The following CPED1 variants were observed in gnomAD, a reference collection of about 807,000 sequenced individuals.
CPED1 encodes the protein cadherin like and PC-esterase domain containing 1.
A neutral mutation model predicts 128.2 loss-of-function variants in CPED1; 114 were observed. The observed-to-expected ratio is 0.89, with a 90% CI of 0.76 to 1.04. The LOEUF is 1.04. Ranked by LOEUF, CPED1 falls within the 50% of genes least tolerant of loss-of-function variation. The pLI is 0.00. For missense variants in CPED1, 1,211 were observed against 1,207.1 expected (o/e 1.00, Z -0.05); for synonymous variants, 462 against 426.7 (o/e 1.08, Z -1.02).
intron 18 of CPED1, among the ~76,000 whole-genome samples, chr7:121,251,539 G>A (rs533164073): frequency 6.6e-6 from 1 of 152,318 alleles, no homozygotes; most frequent in African/African-American, 2.4e-5. Flanking sequence ...CCTGTTTGCA[G>A]GTGACATGAT....
chr7:121,124,362 C>A lies in CPED1; in HGVS notation c.950C>A (p.Ala317Asp). 6.2e-7 allele frequency: 1 copy of A among 1,609,174 alleles called. No homozygotes were observed. The highest frequency in any genetic ancestry group is 8.5e-7 in the Non-Finnish European group (1 of 1,177,236). The change falls in exon 8 of 23, where the codon GCC becomes GAC. Residue 317 changes from alanine to aspartate, a missense_variant. Ala to Asp is a moderately radical substitution (Grantham distance 126). Coordinates refer to ENST00000310396, the MANE Select transcript of CPED1 (RefSeq NM_024913.5). ...LQTFFETFLRASSPQQAFDIM... is the reference protein window; with the variant it reads ...LQTFFETFLRDSSPQQAFDIM... ...ACATTTTTTGAGACATTCCTGAGAG[C>A]CAGTTCACCTCAACAGGCTTTTGAC...
At chr7:120,990,643 T>TA (rs971143781) in intron 2 of CPED1, among the ~76,000 whole-genome samples, 24 of 150,962 alleles carry the variant, frequency 1.6e-4, no homozygotes, top group South Asian at 8.4e-4. Context: ...CATGAAGAAA[T>TA]AAAAAAAAAT....
intron 3 of CPED1, among the ~76,000 whole-genome samples, chr7:121,025,054 T>C (rs1792541623): frequency 6.6e-6 from 1 of 152,168 alleles, no homozygotes; most frequent in South Asian, 2.1e-4. Flanking sequence ...ACTTTTACTT[T>C]CTACTCTCAA....
chr7:121,276,434 A>G (rs1217587483), intron 22 of CPED1, among the ~76,000 whole-genome samples: 2 of 152,254 alleles, frequency 1.3e-5, no homozygotes, highest in East Asian at 1.9e-4. Flanking sequence ...ATCATTCAAC[A>G]TTTATTTTGT....
intron 16 of CPED1, among the ~76,000 whole-genome samples, chr7:121,155,652 C>A (rs1451399631): frequency 1.3e-5 from 2 of 152,166 alleles, no homozygotes; most frequent in Non-Finnish European, 2.9e-5. Context: ...AACTGGATAA[C>A]TATATGCAGA....
intron 5 of CPED1, among the ~76,000 whole-genome samples, chr7:121,065,952 A>G (rs1793821280): frequency 6.6e-6 from 1 of 152,244 alleles, no homozygotes; most frequent in Admixed American, 6.5e-5. Context: ...GTAGCTTTAA[A>G]GAAATGTCTG....
chr7:121,150,372 G>A (rs1796130436), intron 16 of CPED1, among the ~76,000 whole-genome samples: 1 of 151,878 alleles, frequency 6.6e-6, no homozygotes, highest in Non-Finnish European at 1.5e-5. Context: ...TGCTGCAAAG[G>A]ACATGATTTC....
At chr7:121,208,283 C>G (rs1262498772) in intron 16 of CPED1, among the ~76,000 whole-genome samples, 1 of 151,874 alleles carries the variant, frequency 6.6e-6, no homozygotes, top group Non-Finnish European at 1.5e-5. Flanking sequence ...AGTACTAATA[C>G]CAGATAAATT....
chr7:121,047,646 TTTCTTCTTCTTCTTCTTCTTCTTC>T lies in CPED1; in HGVS notation c.540+701_540+724del, dbSNP rs201842531. Among the ~76,000 whole-genome samples, 645 of 123,072 alleles carry T rather than the reference TTTCTTCTTCTTCTTCTTCTTCTTC, an allele frequency of 5.2e-3. 15 individuals are homozygous for T. The highest frequency in any genetic ancestry group is 6.9e-3 in the Non-Finnish European group (435 of 62,740). The allele number at this position is 123,072 out of a possible 152,430, so 80.7% of individuals were successfully genotyped here. On this transcript the variant is annotated intron_variant, in intron 4 of 22. Coordinates refer to ENST00000310396, the MANE Select transcript of CPED1 (RefSeq NM_024913.5). ...TACAATTCGCCATCTAGATAGCACC[TTTCTTCTTCTTCTTCTTCTTCTTC>T]TTCTTCTTCTTCTTCTTCTTCTTCT...
rs531891311 is a variant in CPED1 at position 121,067,854 on chromosome 7, C to G, written c.616+3541C>G. Among the ~76,000 whole-genome samples the G allele has an allele frequency of 2.0e-5, 3 of 152,286 alleles. No individual in the cohort carries two copies. The East Asian group carries it at 5.8e-4, about 29-fold the overall frequency. On this transcript the variant is annotated intron_variant, in intron 5 of 22. Transcript: ENST00000310396. The stretch of plus-strand genomic sequence containing the variant: ...CATTGTGGTTTTGATTTGCATTTCT[C>G]TGATGGCCAGTGATGATGAGCATTT...
chr7:121,077,754 ATACACT>A (rs1794169548), intron 5 of CPED1, among the ~76,000 whole-genome samples: 1 of 151,506 alleles, frequency 6.6e-6, no homozygotes, highest in Non-Finnish European at 1.5e-5. Flanking sequence ...TTTAAAATAG[ATACACT>A]TACATATTTA....
At chr7:120,989,357 A>G (rs1187118057) in intron 1 of CPED1, 34 bp from the exon 2 acceptor site, 3 of 449,454 alleles carry the variant, frequency 6.7e-6, no homozygotes, top group Non-Finnish European at 1.2e-5. Flanking sequence ...ATTCGTTACA[A>G]CTATTATTAT....
At chr7:121,250,308 A>T (rs1798640271) in intron 18 of CPED1, among the ~76,000 whole-genome samples, 1 of 151,986 alleles carries the variant, frequency 6.6e-6, no homozygotes, top group Non-Finnish European at 1.5e-5. Context: ...AATCTCTGGG[A>T]CACATTCAAA....
chr7:121,278,617 G>A (rs1792376164), intron 22 of CPED1, among the ~76,000 whole-genome samples: 1 of 152,238 alleles, frequency 6.6e-6, no homozygotes, highest in African/African-American at 2.4e-5. Context: ...TCAATCATCT[G>A]TAAGTGAATT....
chr7:121,089,735 A>T (rs892329231), intron 5 of CPED1, among the ~76,000 whole-genome samples: 1 of 152,224 alleles, frequency 6.6e-6, no homozygotes, highest in Non-Finnish European at 1.5e-5. Context: ...CCATTCTATT[A>T]TCATATTTGT....
chr7:121,282,566 G>T (rs1792484293), intron 22 of CPED1, among the ~76,000 whole-genome samples: 1 of 152,134 alleles, frequency 6.6e-6, no homozygotes, highest in Non-Finnish European at 1.5e-5. Flanking sequence ...GCCTATAAGA[G>T]TAAGTAAAAT....
intron 2 of CPED1, among the ~76,000 whole-genome samples, chr7:120,999,683 C>G (rs116207616): frequency 6.6e-6 from 1 of 152,068 alleles, no homozygotes; most frequent in Admixed American, 6.6e-5. Flanking sequence ...CTAACAGGTA[C>G]GCAACTTCCA....
intron 13 of CPED1, 83 bp downstream of exon 13, chr7:121,133,976 T>A: frequency 2.7e-6 from 2 of 728,714 alleles, no homozygotes; most frequent in South Asian, 3.6e-5. Flanking sequence ...TTAGCTTCAT[T>A]AGCAATCAAA....
intron 4 of CPED1, among the ~76,000 whole-genome samples, chr7:121,060,261 G>T (rs1793623217): frequency 6.6e-6 from 1 of 152,250 alleles, no homozygotes; most frequent in African/African-American, 2.4e-5. Flanking sequence ...TCCCTGATGA[G>T]CGCCGCCCCT....
Sources: allele counts gnomAD v4.1 joint callset (sites outside exome capture counted in the v4.1 genomes callset), GRCh38; gene constraint gnomAD v4.1.1; transcripts MANE v1.5; gene names NCBI Gene and HGNC (gene_info 2026-07-23, HGNC 2026-07-21).